Variants in ETV5 observed in about 807,000 individuals in gnomAD.
ETV5 encodes ETS variant transcription factor 5, also known as ETS translocation variant 5.
A neutral mutation model predicts 70.0 loss-of-function variants in ETV5; 10 were observed. The ratio of observed to expected loss-of-function variants is 0.14; its 90% CI spans 0.09 to 0.24. ETV5 has a LOEUF of 0.24. Ranked by LOEUF, ETV5 falls within the 10% of genes least tolerant of loss-of-function variation. The pLI, the probability that ETV5 is intolerant of heterozygous loss-of-function variation, is 1.00. For missense variants in ETV5, 453 were observed against 651.2 expected, an observed-to-expected ratio of 0.70 and a Z score of 3.31; for synonymous variants, 216 against 242.2, an observed-to-expected ratio of 0.89 and a Z score of 1.01.
At chr3:186,091,046 A>G (rs1195131884) in intron 5 of ETV5, among the ~76,000 whole-genome samples, 3 of 152,320 alleles carry the variant, frequency 2.0e-5, no homozygotes, top group Admixed American at 2.0e-4. Flanking sequence ...CATACGACTC[A>G]TAGGGGACAT....
intron 6 of ETV5, chr3:186,080,524 C>T (rs1352481913): frequency 4.3e-6 from 1 of 234,262 alleles, no homozygotes; most frequent in East Asian, 6.1e-5. Context: ...GCTGTGACAT[C>T]ATTTGAATTA....
rs756300986 is a variant in ETV5, at chr3:186,048,849, C to T, written c.1323G>A (p.Glu441=). The change falls in exon 13 of 13, where the codon GAG becomes GAA. Residue 441 remains glutamate, a synonymous_variant. Transcript: ENST00000306376. The part of the protein sequence containing the change: ...EKGIMQKVAG[E]RYVYKFVCDP... ...CACAGACAAATTTGTAGACGTATCG[C>T]TCTCCAGCCACCTGCGGGAGAACAC... 6.8e-6 allele frequency: 11 copies of T among 1,613,770 alleles called. No individual in the cohort carries two copies. Among genetic ancestry groups the T allele is most frequent in the Non-Finnish European group, 5.1e-6 (6 of 1,179,928 alleles).
chr3:186,098,154 T>A (rs1208770177), intron 5 of ETV5, among the ~76,000 whole-genome samples: 1 of 152,224 alleles, frequency 6.6e-6, no homozygotes, highest in Non-Finnish European at 1.5e-5. Context: ...TCTGCAAGGC[T>A]GTGCAAAAGT....
chr3:186,088,573 G>C (rs1252355356), intron 5 of ETV5, among the ~76,000 whole-genome samples: 1 of 152,184 alleles, frequency 6.6e-6, no homozygotes, highest in Non-Finnish European at 1.5e-5. Context: ...AGAAGTCCGA[G>C]ACACCTGCCC....
chr3:186,096,131 C>T (rs947239887), intron 5 of ETV5, among the ~76,000 whole-genome samples: 5 of 152,022 alleles, frequency 3.3e-5, no homozygotes, highest in African/African-American at 1.2e-4. Flanking sequence ...CCTTCTTCCG[C>T]AAGAAATAAA....
chr3:186,065,258 C>T (rs531086360), intron 8 of ETV5, among the ~76,000 whole-genome samples: 9 of 152,132 alleles, frequency 5.9e-5, no homozygotes, highest in Non-Finnish European at 1.3e-4. Context: ...CAAAACCCAT[C>T]AGGACAGATC....
intron 7 of ETV5, among the ~76,000 whole-genome samples, chr3:186,068,881 T>C (rs1713519668): frequency 6.6e-6 from 1 of 152,188 alleles, no homozygotes; most frequent in African/African-American, 2.4e-5. Context: ...TTTGTGAATA[T>C]ATACCCTCAG....
intron 7 of ETV5, among the ~76,000 whole-genome samples, chr3:186,072,465 G>A (rs1278840607): frequency 1.3e-5 from 2 of 152,146 alleles, no homozygotes; most frequent in Non-Finnish European, 2.9e-5. Context: ...CAAATCAAAG[G>A]AGCCCACTGG....
At chr3:186,085,708 C>T (rs1040331385) in intron 5 of ETV5, among the ~76,000 whole-genome samples, 3 of 151,990 alleles carry the variant, frequency 2.0e-5, no homozygotes, top group Non-Finnish European at 4.4e-5. Context: ...TGGGGTTTCA[C>T]CATGTTGGTC....
At position 186,105,777 on chromosome 3, in the gene ETV5, A is replaced by G; in HGVS notation, c.45+47T>C. 6.2e-7 allele frequency: 1 copy of G among 1,610,842 alleles called. No individual in the cohort carries two copies. ...AAAGAGGTCCACAGGGGGAAGACTC[A>G]TATTGGAGAGGGAGGACAAAACAAA... On this transcript the variant is annotated intron_variant, in intron 2 of 12. Coordinates refer to ENST00000306376, the MANE Select transcript of ETV5 (RefSeq NM_004454.3). This position sits in a 1 kb window ranked among gnomAD's most constrained non-coding sequence, Gnocchi z 4.5.
intron 5 of ETV5, among the ~76,000 whole-genome samples, chr3:186,083,069 G>A (rs1020923631): frequency 1.3e-5 from 2 of 152,232 alleles, no homozygotes; most frequent in African/African-American, 4.8e-5. Context: ...GTTATCAACT[G>A]TTTCAGATAT....
Position 186,052,939 on chromosome 3 carries a change from A to G in ETV5, c.1210-808T>C, listed in dbSNP as rs542356224. ...CAAGTATATCAGCTTCCAAAATCCT[A>G]CTTATGAGAATGACTGTCAAGGTAG... On this transcript the variant is annotated intron_variant, in intron 11 of 12. Transcript: ENST00000306376. The surrounding 1 kb of genome is among the most constrained non-coding windows in gnomAD (Gnocchi z 4.5). Among the ~76,000 whole-genome samples, 96 of 152,102 alleles carry G rather than the reference A, an allele frequency of 6.3e-4. No individual in the cohort carries two copies. The highest frequency in any genetic ancestry group is 2.3e-3 in the African/African-American group (96 of 41,486).
chr3:186,048,756 C>G lies in ETV5; in HGVS notation c.1416G>C (p.Glu472Asp). The G allele has an allele frequency of 6.2e-7, 1 of 1,614,146 alleles. No individual in the cohort carries two copies. Among genetic ancestry groups the G allele is most frequent in the Non-Finnish European group, 8.5e-7 (1 of 1,180,026 alleles). Residue 472 changes from glutamate (E) to aspartate (D), a missense_variant, in exon 13 of 13, where the codon GAG becomes GAC. Transcript: ENST00000306376. ...GGGTGTCCTCCTCGCTGAGGTGGCA[C>G]TCGGACTCTGCCTTCAGGAACGGAC... ...NQRPFLKAES[E>D]CHLSEEDTLP...
intron 7 of ETV5, chr3:186,076,501 C>T (rs772604155): frequency 1.1e-4 from 20 of 182,774 alleles, no homozygotes; most frequent in Non-Finnish European, 2.0e-4. Flanking sequence ...GCATAGTGTA[C>T]TACAGAGCCC....
At chr3:186,107,666 C>CG (rs1452791360) in intron 1 of ETV5, among the ~76,000 whole-genome samples, 6 of 152,192 alleles carry the variant, frequency 3.9e-5, no homozygotes, top group African/African-American at 1.2e-4. Flanking sequence ...CTTTGCCCCC[C>CG]CACCACCCGC....
chr3:186,069,543 T>C (rs568829999), intron 7 of ETV5, among the ~76,000 whole-genome samples: 1 of 150,756 alleles, frequency 6.6e-6, no homozygotes, highest in Admixed American at 6.6e-5. Flanking sequence ...AAAAAAGACT[T>C]AAAAAAAAGT....
chr3:186,050,095 G>C (rs1251859467), intron 12 of ETV5, among the ~76,000 whole-genome samples: 2 of 152,064 alleles, frequency 1.3e-5, no homozygotes, highest in Non-Finnish European at 2.9e-5. Flanking sequence ...CCTTACACTG[G>C]ATGGCACATT....
intron 11 of ETV5, 98 bp downstream of exon 11, chr3:186,056,977 G>A (rs1713180594): frequency 1.4e-6 from 2 of 1,388,316 alleles, no homozygotes; most frequent in Non-Finnish European, 2.0e-6. Flanking sequence ...AGAAGCAAGA[G>A]CAGACTTGAC....
intron 5 of ETV5, among the ~76,000 whole-genome samples, chr3:186,100,954 T>C (rs1714439058): frequency 1.3e-5 from 2 of 152,224 alleles, no homozygotes; most frequent in Non-Finnish European, 2.9e-5. Context: ...TGCTAAAATC[T>C]AGTAACACAC....
Sources: gnomAD v4.1 joint callset for allele counts (sites outside exome capture counted in the v4.1 genomes callset) on GRCh38, gnomAD v4.1.1 for gene constraint, Gnocchi (gnomAD v3.1) non-coding constraint, MANE v1.5 for transcripts, NCBI Gene and HGNC (gene_info 2026-07-23, HGNC 2026-07-21) for gene names.